The following SASH1 variants were observed in gnomAD, a reference collection of about 807,000 sequenced individuals.
SASH1 encodes the protein SAM and SH3 domain containing 1.
In SASH1, 44 loss-of-function variants were observed where a neutral mutation model predicts 125.2. The ratio of observed to expected loss-of-function variants is 0.35; its 90% CI spans 0.28 to 0.45. The LOEUF (loss-of-function observed/expected upper bound fraction) is 0.45, where lower values mean the gene tolerates loss of function less well. Ranked by LOEUF, SASH1 falls within the 20% of genes least tolerant of loss-of-function variation. The probability of loss-of-function intolerance (pLI) is 1.00; values close to 1 mark genes in which losing one functional copy is unlikely to be tolerated. For synonymous variants in SASH1, 639 were observed against 649.1 expected, an observed-to-expected ratio of 0.98 and a Z score of 0.24; for missense variants, 1,426 against 1,614.5, an observed-to-expected ratio of 0.88 and a Z score of 2.00.
intron 2 of SASH1, among the ~76,000 whole-genome samples, chr6:148,431,113 A>T (rs544337471): frequency 6.6e-6 from 1 of 152,336 alleles, no homozygotes; most frequent in African/African-American, 2.4e-5. Flanking sequence ...GAATGGATTC[A>T]CTGGATGGAT....
At chr6:148,236,153 G>A in the SASH1 span, among the ~76,000 whole-genome samples, 1 of 152,254 alleles carries the variant, frequency 6.6e-6, no homozygotes, top group Admixed American at 6.5e-5. Flanking sequence ...TATTCCAGAG[G>A]TCAGGGAACA....
At chr6:148,462,124 A>G (rs1462064416) in intron 4 of SASH1, among the ~76,000 whole-genome samples, 1 of 152,116 alleles carries the variant, frequency 6.6e-6, no homozygotes, top group Non-Finnish European at 1.5e-5. Context: ...CAGACACAGC[A>G]AAAGACCAGA....
chr6:148,525,321 A>G lies in SASH1; in HGVS notation c.1240A>G (p.Thr414Ala). 1.2e-6 allele frequency: 2 copies of G among 1,614,106 alleles called. No individual in the cohort carries two copies. The highest frequency in any genetic ancestry group is 1.1e-5 in the South Asian group (1 of 91,074). The stretch of plus-strand genomic sequence containing the variant: ...CTGCAGTTTTGGAGGATTTGACTTG[A>G]CGAATCGCTCTCTGCACGTTGGCAG... ...RTCSFGGFDL[T>A]NRSLHVGSNN... The change falls in exon 11 of 20, where the codon ACG becomes GCG. Residue 414 changes from threonine (T) to alanine (A), a missense_variant. By Grantham distance (58) the Thr-to-Ala change is moderately conservative. Coordinates refer to ENST00000367467, the MANE Select transcript of SASH1 (RefSeq NM_015278.5).
chr6:148,543,233 G>A, intron 17 of SASH1, among the ~76,000 whole-genome samples: 1 of 152,208 alleles, frequency 6.6e-6, no homozygotes, highest in East Asian at 1.9e-4. Flanking sequence ...AGATCACTCT[G>A]TAGGGGATAC....
At chr6:148,264,938 C>G in the SASH1 span, among the ~76,000 whole-genome samples, 1 of 152,344 alleles carries the variant, frequency 6.6e-6, no homozygotes, top group South Asian at 2.1e-4. Context: ...GGGCCTTGGC[C>G]ATTATATTCC....
At chr6:148,277,126 C>T (rs372772400) in intron 1 of SASH1, among the ~76,000 whole-genome samples, 1 of 152,198 alleles carries the variant, frequency 6.6e-6, no homozygotes. Context: ...ATATGGGAGC[C>T]AGTATTTGAA....
At chr6:148,418,985 A>G (rs1376515592) in intron 2 of SASH1, among the ~76,000 whole-genome samples, 7 of 152,068 alleles carry the variant, frequency 4.6e-5, no homozygotes, top group African/African-American at 1.7e-4. Flanking sequence ...TCTCCTGTCC[A>G]TTCTGGCATT....
At chr6:148,387,860 T>C (rs1281133002) in intron 1 of SASH1, among the ~76,000 whole-genome samples, 3 of 149,518 alleles carry the variant, frequency 2.0e-5, no homozygotes, top group African/African-American at 7.4e-5. Flanking sequence ...TGCTTCAGCC[T>C]CCTGAGTAGC....
At chr6:148,242,188 T>C in the SASH1 span, among the ~76,000 whole-genome samples, 1 of 152,210 alleles carries the variant, frequency 6.6e-6, no homozygotes. Context: ...AGGACTTGAC[T>C]AGTAGTGCTA....
chr6:148,461,277 C>A (rs1358865055), intron 4 of SASH1, among the ~76,000 whole-genome samples: 1 of 152,120 alleles, frequency 6.6e-6, no homozygotes, highest in African/African-American at 2.4e-5. Context: ...ATTGCAGACA[C>A]CTGCCTTGTT....
At chr6:148,410,967 C>T (rs1047393008) in intron 2 of SASH1, among the ~76,000 whole-genome samples, 3 of 152,032 alleles carry the variant, frequency 2.0e-5, no homozygotes, top group Non-Finnish European at 2.9e-5. Flanking sequence ...CGAGACCAGC[C>T]TGACCAACAT....
chr6:148,399,108 C>T (rs1007289973), intron 2 of SASH1, among the ~76,000 whole-genome samples: 1 of 151,702 alleles, frequency 6.6e-6, no homozygotes, highest in Non-Finnish European at 1.5e-5. Flanking sequence ...CCTTTGCAGA[C>T]TGTTTGTGCA....
At chr6:148,490,005 C>T (rs1319469302) in intron 8 of SASH1, among the ~76,000 whole-genome samples, 2 of 102,226 alleles carry the variant, frequency 2.0e-5, no homozygotes, top group Non-Finnish European at 3.7e-5. Flanking sequence ...TGCACTCCAT[C>T]CTGTCTTTAA....
chr6:148,271,054 C>T (rs1013777165), upstream of SASH1, among the ~76,000 whole-genome samples: 1 of 151,962 alleles, frequency 6.6e-6, no homozygotes, highest in Admixed American at 6.6e-5. Flanking sequence ...GGATTACAGG[C>T]GCCCGCCACC....
the SASH1 span, among the ~76,000 whole-genome samples, chr6:148,210,050 A>G: frequency 2.0e-5 from 3 of 152,190 alleles, no homozygotes; most frequent in African/African-American, 4.8e-5. Flanking sequence ...TTGACCACAT[A>G]TTGAAATTAT....
At chr6:148,454,398 A>T (rs942458483) in intron 4 of SASH1, among the ~76,000 whole-genome samples, 1 of 152,208 alleles carries the variant, frequency 6.6e-6, no homozygotes, top group African/African-American at 2.4e-5. Context: ...GTCCAGGCTA[A>T]CCTGGAACTA....
intron 4 of SASH1, among the ~76,000 whole-genome samples, chr6:148,450,023 A>G (rs1562421026): frequency 6.6e-6 from 1 of 151,992 alleles, no homozygotes; most frequent in Non-Finnish European, 1.5e-5. Context: ...GCTAGGCCCC[A>G]CCTCCCAACA....
chr6:148,376,920 C>T (rs963655661), intron 1 of SASH1, among the ~76,000 whole-genome samples: 1 of 151,246 alleles, frequency 6.6e-6, no homozygotes, highest in Non-Finnish European at 1.5e-5. Context: ...CCTGTAATCC[C>T]AGCACTTTGG....
At position 148,412,739 on chromosome 6, in the gene SASH1, C is replaced by T. The variant is rs116525173; in HGVS notation, c.285+22477C>T. Among the ~76,000 whole-genome samples the T allele has an allele frequency of 5.3e-3, 809 of 152,196 alleles. 13 individuals carry two copies. Among genetic ancestry groups the T allele is most frequent in the African/African-American group, 0.019 (773 of 41,518 alleles). On this transcript the variant is annotated intron_variant, in intron 2 of 19. Coordinates refer to ENST00000367467, the MANE Select transcript of SASH1 (RefSeq NM_015278.5). ...GGATCCACCCCCATGACCCAAACAC[C>T]CCCGACCAGGCCCCACCTCCACCAC...
Sources: allele counts gnomAD v4.1 joint callset (sites outside exome capture counted in the v4.1 genomes callset), GRCh38; gene constraint gnomAD v4.1.1; transcripts MANE v1.5; gene names NCBI Gene and HGNC (gene_info 2026-07-23, HGNC 2026-07-21).